Variants in INTS11 observed in about 807,000 individuals in gnomAD.
INTS11 encodes the protein integrator complex subunit 11, also known as CPSF3-like protein.
Under a neutral mutation model 78.6 loss-of-function variants are expected in INTS11, and 77 were observed. The ratio of observed to expected loss-of-function variants is 0.98; its 90% CI spans 0.81 to 1.18. The LOEUF (loss-of-function observed/expected upper bound fraction) is 1.18, where lower values mean the gene tolerates loss of function less well. INTS11 is among the 50% of genes most tolerant of loss of function. The probability of loss-of-function intolerance (pLI) is 0.00; values close to 1 mark genes in which losing one functional copy is unlikely to be tolerated. For synonymous variants in INTS11, 441 were observed against 326.9 expected (o/e 1.35, Z -3.77); for missense variants, 875 against 825.9 (o/e 1.06, Z -0.73).
intron 4 of INTS11, among the ~76,000 whole-genome samples, chr1:1,318,408 A>G (rs1471874196): frequency 6.6e-6 from 1 of 152,154 alleles, no homozygotes; most frequent in East Asian, 1.9e-4. Context: ...CTGTAATCCG[A>G]GCACTTTGAG....
intron 6 of INTS11, 178 bp from the exon 7 acceptor site, chr1:1,315,140 G>A (rs1316538291): frequency 4.9e-6 from 4 of 809,396 alleles, no homozygotes; most frequent in Non-Finnish European, 7.6e-6. Flanking sequence ...AGGAGAGACA[G>A]AGGCACCCAC....
intron 1 of INTS11, 49 bp downstream of exon 1, chr1:1,324,532 A>G (rs764319767): frequency 3.8e-6 from 6 of 1,562,604 alleles, no homozygotes; most frequent in South Asian, 1.1e-5. Flanking sequence ...GCCCGCCCGG[A>G]GCCGCATACG....
intron 1 of INTS11, chr1:1,323,086 C>G (rs1362690640): frequency 6.7e-7 from 1 of 1,496,206 alleles, no homozygotes; most frequent in Non-Finnish European, 9.0e-7. Context: ...CCCATGCAAA[C>G]AGCTGCAAAA....
chr1:1,314,728 CCT>C lies in INTS11; in HGVS notation c.702+94_702+95del, dbSNP rs1326113722. On this transcript the variant is annotated intron_variant, in intron 7 of 16. Coordinates refer to ENST00000435064, the MANE Select transcript of INTS11 (RefSeq NM_017871.6). This position sits in a 1 kb window ranked among gnomAD's most constrained non-coding sequence, Gnocchi z 4.2. ...TGCCTGAAAATGCAGTACCCCCCAC[CCT>C]GAGACCCTGACCCATGCCAAGGGCA... is the stretch of plus-strand genomic sequence containing the variant. 4 of 1,420,240 alleles carry C rather than the reference CCT, an allele frequency of 2.8e-6. No homozygotes were observed. Among genetic ancestry groups the C allele is most frequent in the Admixed American group, 3.9e-5 (2 of 51,220 alleles). The allele number at this position is 1,420,240 out of a possible 1,614,324, so 88.0% of individuals were successfully genotyped here.
chr1:1,320,735 G>T (rs1045428731), intron 2 of INTS11: 13 of 720,846 alleles, frequency 1.8e-5, no homozygotes, highest in Non-Finnish European at 2.5e-5. Flanking sequence ...ACTGACAGAT[G>T]TGAGCTGGAA....
chr1:1,319,205 A>AGCCTTG (rs1642800262), intron 4 of INTS11, 91 bp downstream of exon 4: 2 of 1,174,842 alleles, frequency 1.7e-6, no homozygotes, highest in Non-Finnish European at 2.6e-6. Context: ...CTGAGGCCCC[A>AGCCTTG]GCCTTCCAGA....
chr1:1,324,446 C>A, intron 1 of INTS11, 135 bp downstream of exon 1: 1 of 885,346 alleles, frequency 1.1e-6, no homozygotes, highest in Non-Finnish European at 1.7e-6. Context: ...CACCAGGGCC[C>A]GCGCGGGGAG....
At position 1,312,316 on chromosome 1, in the gene INTS11, T is replaced by C; in HGVS notation, c.1517A>G (p.Glu506Gly). 6.4e-7 allele frequency: 1 copy of C among 1,552,562 alleles called. No individual in the cohort carries two copies. Among genetic ancestry groups the C allele is most frequent in the South Asian group, 1.2e-5 (1 of 84,260 alleles). ...EQALKELGLAEHQLRFTCRVH... is the reference protein window; with the variant it reads ...EQALKELGLAGHQLRFTCRVH... ...GCGGCAGGTGAAGCGCAGCTGGTGC[T>C]CAGCCAGACCCAGCTCTTTGAGGGC... is the stretch of plus-strand genomic sequence containing the variant. Residue 506 changes from glutamate to glycine, a missense_variant, in exon 15 of 17, where the codon GAG becomes GGG. Physicochemically the swap from Glu to Gly is moderately conservative, Grantham distance 98 (BLOSUM62 -2). Transcript: ENST00000435064.
chr1:1,323,837 A>C, intron 1 of INTS11, among the ~76,000 whole-genome samples: 1 of 105,314 alleles, frequency 9.5e-6, no homozygotes, highest in Non-Finnish European at 1.8e-5. Flanking sequence ...AGAGTGGTGG[A>C]CAGAAAGCAA....
Position 1,313,812 on chromosome 1 carries a change from T to C in INTS11, c.877A>G (p.Thr293Ala). The C allele has an allele frequency of 1.9e-6, 3 of 1,613,496 alleles. No individual in the cohort carries two copies. Among genetic ancestry groups the C allele is most frequent in the Non-Finnish European group, 2.5e-6 (3 of 1,179,988 alleles). The change falls in exon 9 of 17, where the codon ACT becomes GCT. Residue 293 changes from threonine to alanine, a missense_variant. Physicochemically the swap from Thr to Ala is moderately conservative, Grantham distance 58 (BLOSUM62 0). Coordinates refer to ENST00000435064, the MANE Select transcript of INTS11 (RefSeq NM_017871.6). ...IPWTNQKIRK[T>A]FVQRNMFEFK... ...TCAAACATGTTCCTCTGCACGAAAG[T>C]CTTGCGGATCTTCTGGTTGGTCCAG... is the stretch of plus-strand genomic sequence containing the variant.
intron 1 of INTS11, 58 bp downstream of exon 1, chr1:1,324,523 C>A: frequency 2.0e-6 from 3 of 1,535,028 alleles, no homozygotes; most frequent in Non-Finnish European, 2.7e-6. Flanking sequence ...GGGCGCCCAG[C>A]CCGCCCGGAG....
At position 1,315,289 on chromosome 1, in the gene INTS11, C is replaced by G. The variant is rs577516267; in HGVS notation, c.563+115G>C. The G allele has an allele frequency of 3.0e-6, 4 of 1,314,950 alleles. No homozygotes were observed. In the South Asian group the frequency reaches 3.6e-5, roughly 12 times the overall value. 81.5% of individuals were successfully genotyped at this position (1,314,950 alleles called of 1,614,324 possible). On this transcript the variant is annotated intron_variant, in intron 6 of 16. Transcript: ENST00000435064. ...AACGAAGGGGGCTCTCCAGGCCGCA[C>G]AGGACATGGGAGACACTGCCAGGCT...
chr1:1,321,699 A>G (rs1019087073), intron 1 of INTS11, among the ~76,000 whole-genome samples: 3 of 152,114 alleles, frequency 2.0e-5, no homozygotes, highest in Non-Finnish European at 4.4e-5. Context: ...AGCCCCCAAC[A>G]CAGACCCTCA....
rs1231294343 is a variant in INTS11, at chr1:1,313,122, G to A, written c.1044C>T (p.Val348=). 7.5e-6 allele frequency: 12 copies of A among 1,606,062 alleles called. No homozygotes were observed. The highest frequency in any genetic ancestry group is 1.6e-4 in the Middle Eastern group (1 of 6,080). Residue 348 remains valine (V), a splice_region_variant and synonymous_variant, in exon 11 of 17, where the codon GTC becomes GTT. Coordinates refer to ENST00000435064, the MANE Select transcript of INTS11 (RefSeq NM_017871.6). ...RKWAGNEKNM[V]IMPGYCVQGT... is the part of the protein sequence containing the mutation. ...CCTGCACGCAGTAGCCGGGCATGAT[G>A]ACCTGGGGGCAGGCACAGAGCTCAC...
intron 1 of INTS11, among the ~76,000 whole-genome samples, chr1:1,322,485 A>G (rs1163774382): frequency 7.5e-6 from 1 of 134,142 alleles, no homozygotes; most frequent in Non-Finnish European, 1.6e-5. Context: ...GGAAGCCTCA[A>G]AACTTCCAGA....
rs746490746 is a variant in INTS11 at position 1,319,505 on chromosome 1, A to G, written c.220T>C (p.Cys74Arg). The change falls in exon 4 of 17, where the codon TGC (cysteine) becomes CGC (arginine). Residue 74 changes from cysteine (C) to arginine (R), a missense_variant. By Grantham distance (180) the Cys-to-Arg change is radical (BLOSUM62 -3). Coordinates refer to ENST00000435064, the MANE Select transcript of INTS11 (RefSeq NM_017871.6). ...VIISHFHLDH[C>R]GALPYFSEMV... ...TCGCTGAAGTAGGGGAGTGCCCCGCAGTGGTCCAGGTGGAAGTGGCTAGGG... is the reference window on the plus strand; with the variant it reads ...TCGCTGAAGTAGGGGAGTGCCCCGCGGTGGTCCAGGTGGAAGTGGCTAGGG... The G allele has an allele frequency of 1.9e-6, 3 of 1,587,840 alleles. No individual in the cohort carries two copies. In the South Asian group the frequency reaches 3.4e-5, roughly 18 times the overall value.
rs776550612 is a variant in INTS11, at chr1:1,314,801, G to A, written c.702+23C>T. 12 of 1,602,860 alleles carry A rather than the reference G, an allele frequency of 7.5e-6. No homozygotes were observed. The highest frequency in any genetic ancestry group is 4.4e-5 in the South Asian group (4 of 90,666). On this transcript the variant is annotated intron_variant, in intron 7 of 16. Transcript: ENST00000435064. The surrounding 1 kb of genome is among the most constrained non-coding windows in gnomAD (Gnocchi z 4.2). Reference sequence around the variant, plus strand: ...CAGCCCAGCATGGCCGAGGGCCCATGTCCCCACCCCTGCTGCAGCTACCTT... The same window carrying A: ...CAGCCCAGCATGGCCGAGGGCCCATATCCCCACCCCTGCTGCAGCTACCTT...
Position 1,320,812 on chromosome 1 carries a change from G to A in INTS11, c.126+184C>T, listed in dbSNP as rs527702819. On this transcript the variant is annotated intron_variant, in intron 2 of 16. Transcript: ENST00000435064. Reference sequence around the variant, plus strand: ...GGGGCTGGGGCTCAGCGCCAGCACAGGGGGACCCCACCATGCAGGGGCTCA... The same window carrying A: ...GGGGCTGGGGCTCAGCGCCAGCACAAGGGGACCCCACCATGCAGGGGCTCA... 46 of 733,376 alleles carry A rather than the reference G, an allele frequency of 6.3e-5. No homozygotes were observed. In the East Asian group the frequency reaches 1.2e-3, roughly 19 times the overall value. 45.4% of individuals were successfully genotyped at this position (733,376 alleles called of 1,614,324 possible). A position where few individuals can be genotyped will look rare whatever the true frequency, so the allele number is the denominator to read the frequency against.
intron 6 of INTS11, chr1:1,315,172 G>A (rs999561953): frequency 2.7e-6 from 2 of 728,156 alleles, no homozygotes; most frequent in Admixed American, 5.5e-5. Context: ...GGAAGAGCGA[G>A]ACAGAGGCAC....
Sources: allele counts gnomAD v4.1 joint callset (sites outside exome capture counted in the v4.1 genomes callset), GRCh38; gene constraint gnomAD v4.1.1; non-coding constraint Gnocchi (gnomAD v3.1); transcripts MANE v1.5; gene names NCBI Gene and HGNC (gene_info 2026-07-23, HGNC 2026-07-21).